Variants in IL2RA observed in about 807,000 individuals in gnomAD.
IL2RA encodes the protein interleukin-2 receptor subunit alpha.
In IL2RA, 24 loss-of-function variants were observed where a neutral mutation model predicts 37.8. The ratio of observed to expected loss-of-function variants is 0.63; its 90% confidence interval spans 0.46 to 0.89. The LOEUF is 0.89. Ranked by LOEUF, IL2RA falls within the 40% of genes least tolerant of loss-of-function variation. The pLI, the probability that IL2RA is intolerant of heterozygous loss-of-function variation, is 0.00. For missense variants in IL2RA, 319 were observed against 348.6 expected (o/e 0.92, Z 0.68); for synonymous variants, 125 against 114.6 (o/e 1.09, Z -0.58).
chr10:6,043,968 C>T (rs538006115), intron 1 of IL2RA, among the ~76,000 whole-genome samples: 1 of 152,302 alleles, frequency 6.6e-6, no homozygotes, highest in East Asian at 1.9e-4. Flanking sequence ...GTGATTAGTT[C>T]AGGGCCTTTT....
intron 7 of IL2RA, 91 bp downstream of exon 7, chr10:6,017,958 TAGAG>T: frequency 1.1e-6 from 1 of 905,724 alleles, no homozygotes; most frequent in Non-Finnish European, 1.8e-6. Flanking sequence ...TGCAGGTGAT[TAGAG>T]AGAGCATGGA....
At chr10:6,060,918 TAAATTCTTTC>T (rs1364348922) in intron 1 of IL2RA, among the ~76,000 whole-genome samples, 1 of 152,198 alleles carries the variant, frequency 6.6e-6, no homozygotes, top group Non-Finnish European at 1.5e-5. Flanking sequence ...CATTTCTTAA[TAAATTCTTTC>T]TACAGCCAGT....
Position 6,035,046 on chromosome 10 carries a change from G to A in IL2RA, c.65-9021C>T, listed in dbSNP as rs552064323. Among the ~76,000 whole-genome samples, 1 of 152,334 alleles carries A rather than the reference G, an allele frequency of 6.6e-6. No homozygotes were observed. The highest frequency in any genetic ancestry group is 1.5e-5 in the Non-Finnish European group (1 of 68,026). On this transcript the variant is annotated intron_variant, in intron 1 of 7. Transcript: ENST00000379959. This position sits in a 1 kb window ranked among gnomAD's most constrained non-coding sequence, Gnocchi z 5.4. ...TTCGGGAGTTGGAGGTGGGGGTGTA[G>A]GGTGGTAAACACTCAAGGCTTAGAA...
intron 1 of IL2RA, among the ~76,000 whole-genome samples, chr10:6,030,704 C>T (rs930732254): frequency 6.6e-5 from 10 of 152,014 alleles, no homozygotes; most frequent in African/African-American, 1.2e-4. Context: ...ATAAAGAACA[C>T]GTAAATATTT....
At chr10:6,024,210 C>T (rs376969086) in intron 3 of IL2RA, 34 bp downstream of exon 3, 1 of 1,390,266 alleles carries the variant, frequency 7.2e-7, no homozygotes, top group Non-Finnish European at 1.0e-6. Flanking sequence ...GGTGCGCTAG[C>T]AGGAGTTAGC....
Position 6,057,476 on chromosome 10 carries a change from C to T in IL2RA, c.64+4612G>A, listed in dbSNP as rs1003570503. 1.3e-5 allele frequency among the ~76,000 whole-genome samples: 2 copies of T among 152,156 alleles called. No homozygotes were observed. The highest frequency in any genetic ancestry group is 2.4e-5 in the African/African-American group (1 of 41,426). On this transcript the variant is annotated intron_variant, in intron 1 of 7. Transcript: ENST00000379959. The surrounding 1 kb of genome is among the most constrained non-coding windows in gnomAD (Gnocchi z 4.8). Reference sequence around the variant, plus strand: ...TTTTAAGCAGAGCTTATTTTATTTCCTTTCTGGAATCCTTGACATAGAGTG... The same window carrying T: ...TTTTAAGCAGAGCTTATTTTATTTCTTTTCTGGAATCCTTGACATAGAGTG...
rs1839365639 is a variant in IL2RA, at chr10:6,020,385, C to G, written c.584-444G>C. On this transcript the variant is annotated intron_variant, in intron 4 of 7. Coordinates refer to ENST00000379959, the MANE Select transcript of IL2RA (RefSeq NM_000417.3). This position sits in a 1 kb window ranked among gnomAD's most constrained non-coding sequence, Gnocchi z 5.6. ...GCTCTGCCCTGCCTCTCACCCTCTT[C>G]CAAGGAAGCAGCAAGCATTCCCTGG... Among the ~76,000 whole-genome samples, 1 of 152,142 alleles carries G rather than the reference C, an allele frequency of 6.6e-6. No homozygotes were observed. Among genetic ancestry groups the G allele is most frequent in the Non-Finnish European group, 1.5e-5 (1 of 68,028 alleles).
In IL2RA at chr10:6,051,515, A is replaced by ATT. The variant is rs1405373221; in HGVS notation, c.64+10572_64+10573insAA. Among the ~76,000 whole-genome samples the ATT allele has an allele frequency of 4.9e-3, 230 of 46,514 alleles. 3 individuals carry two copies. Among genetic ancestry groups the ATT allele is most frequent in the African/African-American group, 0.018 (201 of 11,210 alleles). 30.5% of individuals were successfully genotyped at this position (46,514 alleles called of 152,430 possible). On this transcript the variant is annotated intron_variant, in intron 1 of 7. Coordinates refer to ENST00000379959, the MANE Select transcript of IL2RA (RefSeq NM_000417.3). ...CACAAATATATATATATATATATATATATTTTTTTTCTTTTTTTTTTTGAG... is the reference window on the plus strand; with the variant it reads ...CACAAATATATATATATATATATATATTTATTTTTTTTCTTTTTTTTTTTGAG...
At position 6,011,338 on chromosome 10, in the gene IL2RA, A is replaced by T. The variant is rs1163217859; in HGVS notation, c.*1534T>A. 1 of 151,996 alleles carries T rather than the reference A, an allele frequency of 6.6e-6. No individual in the cohort carries two copies. The highest frequency in any genetic ancestry group is 2.4e-5 in the African/African-American group (1 of 41,386). The allele number at this position is 151,996 out of a possible 1,614,324, so 9.4% of individuals were successfully genotyped here. ...GGGTGGGCGTGCAGAGCAATAACAC[A>T]ATGGTTCTCAAAGTGTGTTCCTGGA... On this transcript the variant is annotated 3_prime_UTR_variant, in exon 8 of 8. Transcript: ENST00000379959. This position sits in a 1 kb window ranked among gnomAD's most constrained non-coding sequence, Gnocchi z 5.2.
chr10:6,011,062 T>C lies in IL2RA; in HGVS notation c.*1810A>G, dbSNP rs958677529. On this transcript the variant is annotated 3_prime_UTR_variant, in exon 8 of 8. Coordinates refer to ENST00000379959, the MANE Select transcript of IL2RA (RefSeq NM_000417.3). The surrounding 1 kb of genome is among the most constrained non-coding windows in gnomAD (Gnocchi z 5.2). ...TCACAGAAATGACAGAAAATAGTTATTTAATCTGAATCTGGACCCTGCTGA... is the reference window on the plus strand; with the variant it reads ...TCACAGAAATGACAGAAAATAGTTACTTAATCTGAATCTGGACCCTGCTGA... 2.6e-5 allele frequency: 4 copies of C among 152,356 alleles called. No homozygotes were observed. The highest frequency in any genetic ancestry group is 7.2e-5 in the African/African-American group (3 of 41,456). 9.4% of individuals were successfully genotyped at this position (152,356 alleles called of 1,614,324 possible).
chr10:6,018,990 G>A lies in IL2RA; in HGVS notation c.727+438C>T, dbSNP rs923717112. ...TACCAACAAAACTACCAACCAACCT[G>A]CCAATCTACCACCCTAACAACCAAC... On this transcript the variant is annotated intron_variant, in intron 6 of 7. Transcript: ENST00000379959. This position sits in a 1 kb window ranked among gnomAD's most constrained non-coding sequence, Gnocchi z 5.1. 1.3e-5 allele frequency among the ~76,000 whole-genome samples: 2 copies of A among 150,502 alleles called. No individual in the cohort carries two copies. Among genetic ancestry groups the A allele is most frequent in the African/African-American group, 4.9e-5 (2 of 40,784 alleles).
At chr10:6,013,194 T>G (rs1203187402) in intron 7 of IL2RA, among the ~76,000 whole-genome samples, 1 of 152,182 alleles carries the variant, frequency 6.6e-6, no homozygotes, top group Non-Finnish European at 1.5e-5. Flanking sequence ...CTGTGCTAAA[T>G]GATGTGCATG....
chr10:6,038,448 A>G (rs1434468509), intron 1 of IL2RA, among the ~76,000 whole-genome samples: 1 of 152,166 alleles, frequency 6.6e-6, no homozygotes, highest in Non-Finnish European at 1.5e-5. Flanking sequence ...TGCATATATT[A>G]CCTTCAATGC....
chr10:6,013,161 C>G (rs10508300), intron 7 of IL2RA, among the ~76,000 whole-genome samples: 9,693 of 152,154 alleles, frequency 0.064, 423 homozygotes, highest in Admixed American at 0.12. Flanking sequence ...AGCTGTGGAA[C>G]AGGAATAATA....
chr10:6,038,217 T>A (rs954709672), intron 1 of IL2RA, among the ~76,000 whole-genome samples: 1 of 152,214 alleles, frequency 6.6e-6, no homozygotes. Flanking sequence ...AATCATAATC[T>A]TCAGGAAGGA....
intron 1 of IL2RA, among the ~76,000 whole-genome samples, chr10:6,026,535 T>G (rs1311716681): frequency 2.6e-5 from 4 of 152,218 alleles, no homozygotes; most frequent in Non-Finnish European, 5.9e-5. Flanking sequence ...CTCACCCACC[T>G]GCCCACCTCT....
chr10:6,039,405 T>C (rs1839737129), intron 1 of IL2RA: 1 of 152,188 alleles, frequency 6.6e-6, no homozygotes, highest in Admixed American at 6.5e-5. Context: ...AAATCTACTA[T>C]CATAATGAGA....
rs748938194 is a variant in IL2RA, at chr10:6,021,741, C to T, written c.368-48G>A. ...TGAAGGCAAGTTGGGGACAGCACCG[C>T]GAGTGAGTCCAGGTTGCCTCTTGCT... On this transcript the variant is annotated intron_variant, in intron 3 of 7. Coordinates refer to ENST00000379959, the MANE Select transcript of IL2RA (RefSeq NM_000417.3). The surrounding 1 kb of genome is among the most constrained non-coding windows in gnomAD (Gnocchi z 4.9). 3.8e-5 allele frequency: 58 copies of T among 1,513,546 alleles called. No individual in the cohort carries two copies. In the Middle Eastern group the frequency reaches 5.1e-4, roughly 13 times the overall value. The allele number at this position is 1,513,546 out of a possible 1,614,324, so 93.8% of individuals were successfully genotyped here. A position where few individuals can be genotyped will look rare whatever the true frequency, so the allele number is the denominator to read the frequency against.
At chr10:6,043,822 A>G (rs2132884604) in intron 1 of IL2RA, among the ~76,000 whole-genome samples, 1 of 152,366 alleles carries the variant, frequency 6.6e-6, no homozygotes, top group Non-Finnish European at 1.5e-5. Flanking sequence ...TGATGGGCAC[A>G]TGTTGGTTAT....
Sources: gnomAD v4.1 joint callset for allele counts (sites outside exome capture counted in the v4.1 genomes callset) on GRCh38, gnomAD v4.1.1 for gene constraint, Gnocchi (gnomAD v3.1) non-coding constraint, MANE v1.5 for transcripts, NCBI Gene and HGNC (gene_info 2026-07-23, HGNC 2026-07-21) for gene names.